Variants in SPTLC1 observed in about 807,000 individuals in gnomAD.
SPTLC1 encodes serine palmitoyltransferase long chain base subunit 1, also known as serine palmitoyltransferase 1.
In SPTLC1, 55 loss-of-function variants were observed where a neutral mutation model predicts 68.9. The ratio of observed to expected loss-of-function variants is 0.80; its 90% CI spans 0.64 to 1.00. The LOEUF is 1.00. Among genes scored for constraint, SPTLC1 ranks in the 50% least tolerant of loss-of-function variants. The pLI is 0.00. For missense variants in SPTLC1, 449 were observed against 573.1 expected (o/e 0.78, Z 2.21); for synonymous variants, 197 against 201.6 (o/e 0.98, Z 0.19).
chr9:92,115,283 G>T (rs777533873), intron 1 of SPTLC1, 31 bp downstream of exon 1: 35 of 1,609,544 alleles, frequency 2.2e-5, no homozygotes, highest in Non-Finnish European at 3.0e-5. Flanking sequence ...GCCCGGGTGT[G>T]GTCGCGGACC....
intron 3 of SPTLC1, among the ~76,000 whole-genome samples, chr9:92,084,378 C>T (rs191172680): frequency 0.022 from 3,362 of 152,122 alleles, 116 homozygotes; most frequent in African/African-American, 0.078. Flanking sequence ...GGCTGTGGGT[C>T]TGTCATAGAT....
intron 5 of SPTLC1, among the ~76,000 whole-genome samples, chr9:92,068,944 C>T (rs941193056): frequency 6.6e-5 from 10 of 152,084 alleles, no homozygotes; most frequent in African/African-American, 2.2e-4. Flanking sequence ...AAAAAATTCC[C>T]TTAGCTCTTT....
chr9:92,047,583 T>C (rs374032582), intron 10 of SPTLC1, 30 bp downstream of exon 10: 212 of 1,469,208 alleles, frequency 1.4e-4, no homozygotes, highest in Middle Eastern at 5.2e-4. Flanking sequence ...TTAGTTTCAG[T>C]TTTAGCTCCT....
At chr9:92,083,596 CTA>C (rs1834986499) in intron 3 of SPTLC1, among the ~76,000 whole-genome samples, 1 of 152,130 alleles carries the variant, frequency 6.6e-6, no homozygotes, top group Non-Finnish European at 1.5e-5. Flanking sequence ...TTCCATTGAT[CTA>C]TATCTCTGTT....
At chr9:92,060,677 C>T (rs1031068517) in intron 6 of SPTLC1, among the ~76,000 whole-genome samples, 2 of 149,534 alleles carry the variant, frequency 1.3e-5, no homozygotes, top group African/African-American at 4.9e-5. Flanking sequence ...GAGGCCAAGG[C>T]GGGTGGATCA....
chr9:92,065,739 A>AT (rs560726117), intron 6 of SPTLC1, among the ~76,000 whole-genome samples: 15 of 152,184 alleles, frequency 9.9e-5, no homozygotes, highest in Non-Finnish European at 2.1e-4. Flanking sequence ...CTTTCACATT[A>AT]TTTTTTAAAC....
chr9:92,086,022 T>C (rs1835110892), intron 3 of SPTLC1, among the ~76,000 whole-genome samples: 1 of 151,992 alleles, frequency 6.6e-6, no homozygotes, highest in South Asian at 2.1e-4. Context: ...CTTTTGGTCT[T>C]TGTTGGTTTA....
intron 4 of SPTLC1, among the ~76,000 whole-genome samples, chr9:92,080,519 A>C (rs1406947617): frequency 6.6e-6 from 1 of 152,182 alleles, no homozygotes; most frequent in Admixed American, 6.5e-5. Context: ...AAACTTGCAT[A>C]GCGCTTTCCA....
At position 92,075,828 on chromosome 9, in the gene SPTLC1, A is replaced by G. The variant is rs574402259; in HGVS notation, c.427+4188T>C. On this transcript the variant is annotated intron_variant, in intron 5 of 14. Coordinates refer to ENST00000262554, the MANE Select transcript of SPTLC1 (RefSeq NM_006415.4). Reference sequence around the variant, plus strand: ...ACCATTGCCTTTGGACAGGACTTCAACCCGGCCTCTCACTTACTACCCACT... The same window carrying G: ...ACCATTGCCTTTGGACAGGACTTCAGCCCGGCCTCTCACTTACTACCCACT... Among the ~76,000 whole-genome samples, 34 of 152,278 alleles carry G rather than the reference A, an allele frequency of 2.2e-4. No homozygotes were observed. The South Asian group carries it at 7.1e-3, about 32-fold the overall frequency.
intron 6 of SPTLC1, among the ~76,000 whole-genome samples, chr9:92,064,232 T>A (rs548205711): frequency 2.6e-5 from 4 of 152,132 alleles, no homozygotes; most frequent in African/African-American, 9.7e-5. Context: ...AAATTTGTAT[T>A]TGCAAACCAC....
intron 13 of SPTLC1, among the ~76,000 whole-genome samples, chr9:92,036,382 G>A (rs929350656): frequency 1.3e-5 from 2 of 152,164 alleles, no homozygotes; most frequent in Non-Finnish European, 2.9e-5. Flanking sequence ...CCTCCTCTGC[G>A]TCTCTTTGGT....
chr9:92,074,835 C>T lies in SPTLC1; in HGVS notation c.427+5181G>A, dbSNP rs149698965. 3.0e-3 allele frequency among the ~76,000 whole-genome samples: 450 copies of T among 152,248 alleles called. 3 individuals carry two copies. Among genetic ancestry groups the T allele is most frequent in the African/African-American group, 0.01 (426 of 41,522 alleles). The stretch of plus-strand genomic sequence containing the variant: ...ACTCTCCTATCCTCAATACCGCCTT[C>T]CACAACTCATTATTCTGTTATTGAC... On this transcript the variant is annotated intron_variant, in intron 5 of 14. Transcript: ENST00000262554.
intron 6 of SPTLC1, among the ~76,000 whole-genome samples, chr9:92,065,133 C>T (rs1177131682): frequency 1.3e-5 from 2 of 152,186 alleles, no homozygotes; most frequent in South Asian, 4.1e-4. Context: ...CTTACAAGTG[C>T]TTTTGAATCT....
intron 8 of SPTLC1, chr9:92,054,138 G>T (rs768515661): frequency 6.3e-6 from 1 of 158,580 alleles, no homozygotes; most frequent in South Asian, 2.0e-4. Context: ...AAAATTAGCC[G>T]GGCATGGTGG....
intron 11 of SPTLC1, among the ~76,000 whole-genome samples, chr9:92,046,510 AG>A (rs563023620): frequency 6.6e-6 from 1 of 152,204 alleles, no homozygotes; most frequent in Non-Finnish European, 1.5e-5. Context: ...AGGCCATCTG[AG>A]AAGCAAGCAT....
Position 92,080,954 on chromosome 9 carries a change from G to A in SPTLC1, c.270C>T (p.Ser90=), listed in dbSNP as rs775453646. ...CTTTTCCATTCACCACAGTTTTGTG[G>A]CTTGGAGGGCTAGGGAAGAGATAGA... is the stretch of plus-strand genomic sequence containing the variant. ...LNYNIVSGPP[S]HKTVVNGKEC... The change falls in exon 4 of 15, where the codon AGC becomes AGT. Residue 90 remains serine, a synonymous_variant. Transcript: ENST00000262554. The A allele has an allele frequency of 6.2e-7, 1 of 1,613,712 alleles. No individual in the cohort carries two copies. The highest frequency in any genetic ancestry group is 1.1e-5 in the South Asian group (1 of 91,066).
intron 7 of SPTLC1, 92 bp downstream of exon 7, chr9:92,059,087 G>T: frequency 6.8e-7 from 1 of 1,468,514 alleles, no homozygotes; most frequent in Non-Finnish European, 9.4e-7. Context: ...TGATCCACAG[G>T]CAAGTTTTCA....
chr9:92,084,156 T>A (rs1835017200), intron 3 of SPTLC1, among the ~76,000 whole-genome samples: 1 of 150,902 alleles, frequency 6.6e-6, no homozygotes, highest in Admixed American at 6.6e-5. Context: ...GACAATGGGG[T>A]TTTCTAGATA....
chr9:92,105,325 C>T (rs2118808334), intron 3 of SPTLC1: 1 of 1,523,780 alleles, frequency 6.6e-7, no homozygotes, highest in Non-Finnish European at 8.8e-7. Context: ...AAGGACGCCT[C>T]CAGCAGGGCA....
Sources: gnomAD v4.1 joint callset for allele counts (sites outside exome capture counted in the v4.1 genomes callset) on GRCh38, gnomAD v4.1.1 for gene constraint, MANE v1.5 for transcripts, NCBI Gene and HGNC (gene_info 2026-07-23, HGNC 2026-07-21) for gene names.